The following DYNC2H1 variants were observed in gnomAD, a reference collection of about 807,000 sequenced individuals.
DYNC2H1 encodes cytoplasmic dynein 2 heavy chain 1.
In DYNC2H1, 410 loss-of-function variants were observed where a neutral mutation model predicts 570.0. The observed-to-expected ratio is 0.72, with a 90% CI of 0.66 to 0.78. DYNC2H1 has a LOEUF of 0.78. DYNC2H1 is among the 30% of genes least tolerant of loss of function. The probability of loss-of-function intolerance (pLI) is 0.00; values close to 1 mark genes in which losing one functional copy is unlikely to be tolerated. For synonymous variants in DYNC2H1, 1,688 were observed against 1,677.6 expected, an observed-to-expected ratio of 1.01 and a Z score of -0.15; for missense variants, 4,865 against 5,046.4, an observed-to-expected ratio of 0.96 and a Z score of 1.09.
At chr11:103,150,420 G>A (rs1860480498) in intron 20 of DYNC2H1, among the ~76,000 whole-genome samples, 1 of 152,126 alleles carries the variant, frequency 6.6e-6, no homozygotes, top group Non-Finnish European at 1.5e-5. Context: ...GATTGATGAT[G>A]TATAGGGGTG....
At chr11:103,307,454 A>C (rs1867344877) in intron 77 of DYNC2H1, among the ~76,000 whole-genome samples, 1 of 152,124 alleles carries the variant, frequency 6.6e-6, no homozygotes, top group African/African-American at 2.4e-5. Flanking sequence ...AGATGGAATA[A>C]GTCAAAGAGA....
At chr11:103,119,919 T>A (rs1323538406) in intron 6 of DYNC2H1, among the ~76,000 whole-genome samples, 2 of 152,222 alleles carry the variant, frequency 1.3e-5, no homozygotes, top group Non-Finnish European at 2.9e-5. Context: ...ATAGAAGGAA[T>A]TGTTTTCACT....
intron 84 of DYNC2H1, among the ~76,000 whole-genome samples, chr11:103,410,923 G>A (rs1403445170): frequency 6.6e-6 from 1 of 152,050 alleles, no homozygotes; most frequent in Non-Finnish European, 1.5e-5. Context: ...TGGGGGTGTG[G>A]TTGAGCAAAG....
intron 40 of DYNC2H1, among the ~76,000 whole-genome samples, chr11:103,184,371 T>C (rs899445879): frequency 9.9e-5 from 15 of 151,936 alleles, no homozygotes; most frequent in Middle Eastern, 3.2e-3. Flanking sequence ...TTTCTTTAAC[T>C]CTCTGGCACT....
intron 81 of DYNC2H1, among the ~76,000 whole-genome samples, chr11:103,322,413 T>C (rs146651649): frequency 1.4e-4 from 22 of 152,268 alleles, no homozygotes; most frequent in African/African-American, 5.1e-4. Context: ...TGTAGCCAGT[T>C]CTGGGGTCAA....
intron 70 of DYNC2H1, among the ~76,000 whole-genome samples, chr11:103,263,022 C>CAAAAAAAAAAAAAAAAA (rs35912109): frequency 3.5e-4 from 14 of 39,964 alleles, no homozygotes; most frequent in Admixed American, 1.1e-3. Flanking sequence ...AAATGGAAAG[C>CAAAAAAAAAAAAAAAAA]AAAAAAAAAA....
chr11:103,224,180 G>A (rs1191048781), intron 59 of DYNC2H1, among the ~76,000 whole-genome samples: 1 of 152,110 alleles, frequency 6.6e-6, no homozygotes, highest in African/African-American at 2.4e-5. Context: ...GTTCTAATTT[G>A]CTATCGTTAC....
chr11:103,292,936 G>C (rs1269413609), intron 75 of DYNC2H1, among the ~76,000 whole-genome samples: 1 of 152,116 alleles, frequency 6.6e-6, no homozygotes, highest in Non-Finnish European at 1.5e-5. Context: ...TCTTTATAGC[G>C]ACACAGGAAT....
rs1342705764 is a variant in DYNC2H1, at chr11:103,326,106, T to C, written c.12039+2116T>C. On this transcript the variant is annotated intron_variant, in intron 82 of 88. Transcript: ENST00000375735. This position sits in a 1 kb window ranked among gnomAD's most constrained non-coding sequence, Gnocchi z 6.1. ...CCGGCATCTATTAGCAGAATAATGT[T>C]TAGTGTTGTAGTTTGGGCTTCAGTC... Among the ~76,000 whole-genome samples the C allele has an allele frequency of 6.6e-6, 1 of 152,136 alleles. No homozygotes were observed. The highest frequency in any genetic ancestry group is 1.5e-5 in the Non-Finnish European group (1 of 68,026).
intron 72 of DYNC2H1, among the ~76,000 whole-genome samples, chr11:103,282,500 T>G: frequency 6.6e-6 from 1 of 152,038 alleles, no homozygotes; most frequent in East Asian, 1.9e-4. Flanking sequence ...CCAAGGATAT[T>G]TTATAATCTT....
At chr11:103,136,724 C>A (rs1304138655) in intron 17 of DYNC2H1, among the ~76,000 whole-genome samples, 2 of 152,122 alleles carry the variant, frequency 1.3e-5, no homozygotes, top group East Asian at 3.9e-4. Context: ...GATTTATAGT[C>A]CTTTGGGTAT....
chr11:103,356,101 A>G (rs941489358), intron 82 of DYNC2H1, among the ~76,000 whole-genome samples: 1 of 152,178 alleles, frequency 6.6e-6, no homozygotes, highest in Non-Finnish European at 1.5e-5. Context: ...TGATGTAAAT[A>G]TGTTGTTAAT....
chr11:103,396,975 G>T (rs1440838014), intron 83 of DYNC2H1, among the ~76,000 whole-genome samples: 1 of 152,152 alleles, frequency 6.6e-6, no homozygotes, highest in Non-Finnish European at 1.5e-5. Context: ...CACTGTAAAA[G>T]GTGGGAGGTG....
In DYNC2H1 at chr11:103,291,166, G is replaced by T. The variant is rs551177589; in HGVS notation, c.11095+3561G>T. ...TAATTTGTAAAGTGCAGCTGGGCGT[G>T]GTGGCTCATGCCTATAATTCCAGCA... is the stretch of plus-strand genomic sequence containing the variant. On this transcript the variant is annotated intron_variant, in intron 75 of 88. Transcript: ENST00000375735. Among the ~76,000 whole-genome samples, 9 of 152,294 alleles carry T rather than the reference G, an allele frequency of 5.9e-5. No individual in the cohort carries two copies. The East Asian group carries it at 1.7e-3, about 29-fold the overall frequency.
chr11:103,143,591 G>A (rs867063988), intron 18 of DYNC2H1, among the ~76,000 whole-genome samples, 196 bp downstream of exon 18: 11 of 151,914 alleles, frequency 7.2e-5, no homozygotes, highest in Middle Eastern at 3.2e-3. Context: ...CTCTGCTGGC[G>A]GAGACCTATT....
chr11:103,332,312 GA>G (rs71962098), intron 82 of DYNC2H1, among the ~76,000 whole-genome samples: 2,173 of 122,498 alleles, frequency 0.018, 13 homozygotes, highest in Middle Eastern at 0.046. Flanking sequence ...AAAAAACTGG[GA>G]AAAAAAAAAA....
intron 65 of DYNC2H1, among the ~76,000 whole-genome samples, chr11:103,246,427 G>C (rs981402630): frequency 6.6e-6 from 1 of 151,998 alleles, no homozygotes; most frequent in African/African-American, 2.4e-5. Flanking sequence ...GTTAGTGTTA[G>C]GTTTTAATGG....
chr11:103,441,018 C>T (rs1944250022), intron 85 of DYNC2H1, among the ~76,000 whole-genome samples: 1 of 152,170 alleles, frequency 6.6e-6, no homozygotes, highest in African/African-American at 2.4e-5. Flanking sequence ...GATTACATCA[C>T]TCTTCTCTTG....
chr11:103,442,372 T>G (rs1353414396), intron 85 of DYNC2H1, among the ~76,000 whole-genome samples: 3 of 152,148 alleles, frequency 2.0e-5, no homozygotes, highest in African/African-American at 7.2e-5. Flanking sequence ...AAGCTTTAAG[T>G]TGGGTTATCA....
Sources: gnomAD v4.1 joint callset for allele counts (sites outside exome capture counted in the v4.1 genomes callset) on GRCh38, gnomAD v4.1.1 for gene constraint, Gnocchi (gnomAD v3.1) non-coding constraint, MANE v1.5 for transcripts, NCBI Gene and HGNC (gene_info 2026-07-23, HGNC 2026-07-21) for gene names.